ROBO2: variants seen among roughly 807,000 people sequenced by gnomAD.
The protein encoded by ROBO2 is roundabout guidance receptor 2.
In ROBO2, 53 loss-of-function variants were observed where a neutral mutation model predicts 160.8. That is an observed-to-expected ratio of 0.33 (90% CI 0.26 to 0.41). ROBO2 has a LOEUF of 0.41. Ranked by LOEUF, ROBO2 falls within the 10% of genes least tolerant of loss-of-function variation. The probability of loss-of-function intolerance (pLI) is 1.00; values close to 1 mark genes in which losing one functional copy is unlikely to be tolerated. For missense variants in ROBO2, 1,577 were observed against 1,722.4 expected (o/e 0.92, Z 1.49); for synonymous variants, 664 against 611.7 (o/e 1.09, Z -1.26).
rs541954412 is a variant in ROBO2 at position 77,308,734 on chromosome 3, C to T, written c.389-168680C>T. Among the ~76,000 whole-genome samples the T allele has an allele frequency of 3.9e-5, 6 of 152,246 alleles. No homozygotes were observed. The East Asian group carries it at 9.6e-4, about 24-fold the overall frequency. ...CAAAATCTAAAATGCCTCTATTGTGCACAGAATTTGTAGGTTACTTGGACA... is the reference window on the plus strand; with the variant it reads ...CAAAATCTAAAATGCCTCTATTGTGTACAGAATTTGTAGGTTACTTGGACA... On this transcript the variant is annotated intron_variant, in intron 2 of 25. Transcript: ENST00000461745.
intron 2 of ROBO2, among the ~76,000 whole-genome samples, chr3:77,366,796 A>T (rs958728796): frequency 5.3e-5 from 8 of 151,906 alleles, no homozygotes; most frequent in Non-Finnish European, 1.2e-4. Flanking sequence ...AGAGAGAGAG[A>T]TACAGAGAGA....
intron 5 of ROBO2, among the ~76,000 whole-genome samples, chr3:77,500,157 A>G (rs1336869391): frequency 1.3e-5 from 2 of 152,188 alleles, no homozygotes; most frequent in Admixed American, 1.3e-4. Flanking sequence ...CCATTATTAT[A>G]AAAAGATGTG....
rs1432656721 is a variant in ROBO2, at chr3:77,096,243, C to CT, written c.62-1769dup. Among the ~76,000 whole-genome samples, 3 of 152,180 alleles carry CT rather than the reference C, an allele frequency of 2.0e-5. No homozygotes were observed. In the East Asian group the frequency reaches 5.8e-4, roughly 29 times the overall value. ...TATAAGAGCAAACTTTTAAGAAGTG[C>CT]TTATCTATATAATCATTATGTCCCC... On this transcript the variant is annotated intron_variant, in intron 1 of 25. Transcript: ENST00000461745.
chr3:76,281,913 C>G (rs1708253906), intron 2 of ROBO2, among the ~76,000 whole-genome samples: 1 of 151,972 alleles, frequency 6.6e-6, no homozygotes, highest in African/African-American at 2.4e-5. Flanking sequence ...GTCTACACCC[C>G]TCTGGAGCTT....
intron 2 of ROBO2, among the ~76,000 whole-genome samples, chr3:77,192,907 G>C (rs1348919144): frequency 6.6e-6 from 1 of 151,934 alleles, no homozygotes; most frequent in African/African-American, 2.4e-5. Context: ...ACCTGCCTCA[G>C]TCTCCAAAAG....
At chr3:76,551,475 G>T (rs1277042322) in intron 2 of ROBO2, among the ~76,000 whole-genome samples, 1 of 151,980 alleles carries the variant, frequency 6.6e-6, no homozygotes, top group Non-Finnish European at 1.5e-5. Context: ...AAGAACTCAG[G>T]ACCCACCTAA....
intron 6 of ROBO2, among the ~76,000 whole-genome samples, chr3:77,531,712 A>G (rs1215340069): frequency 6.6e-6 from 1 of 152,142 alleles, no homozygotes; most frequent in African/African-American, 2.4e-5. Flanking sequence ...ACAGTTTTTT[A>G]AAATAAGAAA....
intron 2 of ROBO2, among the ~76,000 whole-genome samples, chr3:76,329,538 C>T (rs1359392381): frequency 6.6e-6 from 1 of 152,268 alleles, no homozygotes; most frequent in Non-Finnish European, 1.5e-5. Flanking sequence ...GTACAGCAAA[C>T]GGGATACTTA....
rs375935090 is a variant in ROBO2 at position 76,587,111 on chromosome 3, C to T, written c.110-510903C>T. 2.4e-4 allele frequency among the ~76,000 whole-genome samples: 36 copies of T among 152,292 alleles called. 1 individual carries two copies. The highest frequency in any genetic ancestry group is 2.1e-3 in the South Asian group (10 of 4,826). On this transcript the variant is annotated intron_variant, in intron 2 of 26. Coordinates refer to the ROBO2 transcript ENST00000487694. ...GGGTAGATAGACTTCTGTCAGCTTT[C>T]CTAGTTATTACGCCCATTGCCCCTG...
At chr3:77,061,789 C>T (rs1490838353) in intron 1 of ROBO2, among the ~76,000 whole-genome samples, 13 of 152,170 alleles carry the variant, frequency 8.5e-5, no homozygotes, top group South Asian at 2.1e-4. Flanking sequence ...TACTGAGTTC[C>T]GGGTGGAACC....
intron 2 of ROBO2, among the ~76,000 whole-genome samples, chr3:76,917,310 T>C (rs1428923885): frequency 6.6e-6 from 1 of 152,218 alleles, no homozygotes; most frequent in Non-Finnish European, 1.5e-5. Context: ...TCTAGAATTA[T>C]GCTTTTCCAA....
chr3:76,440,854 G>A (rs1218767786), intron 2 of ROBO2, among the ~76,000 whole-genome samples: 1 of 151,808 alleles, frequency 6.6e-6, no homozygotes, highest in Non-Finnish European at 1.5e-5. Context: ...AGAGTGCTGA[G>A]CAGGCTGCCT....
intron 2 of ROBO2, among the ~76,000 whole-genome samples, chr3:76,403,956 A>G (rs2077991796): frequency 6.6e-6 from 1 of 151,688 alleles, no homozygotes; most frequent in Admixed American, 6.6e-5. Flanking sequence ...TATCTGGACT[A>G]TGAGTTAAGA....
Position 76,699,688 on chromosome 3 carries a change from A to C in ROBO2, c.110-398326A>C, listed in dbSNP as rs143124849. Reference sequence around the variant, plus strand: ...AAGCACATATCCTTTGACACAATGCACAACATTTTATAGCCCTGAACCATT... The same window carrying C: ...AAGCACATATCCTTTGACACAATGCCCAACATTTTATAGCCCTGAACCATT... On this transcript the variant is annotated intron_variant, in intron 2 of 26. Transcript: ENST00000487694. 1.7e-3 allele frequency among the ~76,000 whole-genome samples: 256 copies of C among 152,262 alleles called. 1 individual carries two copies. The highest frequency in any genetic ancestry group is 5.9e-3 in the African/African-American group (244 of 41,556).
At chr3:76,465,601 T>C (rs2078319136) in intron 2 of ROBO2, among the ~76,000 whole-genome samples, 1 of 152,058 alleles carries the variant, frequency 6.6e-6, no homozygotes, top group Non-Finnish European at 1.5e-5. Flanking sequence ...ATGTAGATAA[T>C]TGAGAGTTGG....
exon 22 of ROBO2, chr3:77,617,752 T>C: frequency 6.2e-7 from 1 of 1,613,496 alleles, no homozygotes; most frequent in Admixed American, 1.7e-5. Flanking sequence ...GCCTATCAGT[T>C]TGATATAGCA....
chr3:76,967,112 C>T (rs1559776808), intron 2 of ROBO2, among the ~76,000 whole-genome samples: 2 of 152,096 alleles, frequency 1.3e-5, no homozygotes, highest in Middle Eastern at 3.4e-3. Flanking sequence ...GTTTTACAGA[C>T]GCAGATACAC....
chr3:76,142,557 G>T (rs2106774210), intron 2 of ROBO2, among the ~76,000 whole-genome samples: 1 of 152,012 alleles, frequency 6.6e-6, no homozygotes, highest in Non-Finnish European at 1.5e-5. Flanking sequence ...AAAAAGCCAG[G>T]CACAGAAAGA....
At chr3:76,696,736 A>G (rs1488698556) in intron 2 of ROBO2, among the ~76,000 whole-genome samples, 1 of 152,182 alleles carries the variant, frequency 6.6e-6, no homozygotes, top group African/African-American at 2.4e-5. Context: ...TGCCTACTGC[A>G]ATTTACACCT....
Sources: gnomAD v4.1 joint callset for allele counts (sites outside exome capture counted in the v4.1 genomes callset) on GRCh38, gnomAD v4.1.1 for gene constraint, MANE v1.5 for transcripts, NCBI Gene and HGNC (gene_info 2026-07-23, HGNC 2026-07-21) for gene names.